CIB1: variants seen among roughly 807,000 people sequenced by gnomAD.
CIB1 encodes the protein calcium and integrin binding 1, also known as calcium and integrin-binding protein 1.
Under a neutral mutation model 25.0 loss-of-function variants are expected in CIB1, and 19 were observed. The ratio of observed to expected loss-of-function variants is 0.76; its 90% CI spans 0.53 to 1.12. CIB1 has a LOEUF of 1.12. Among genes scored for constraint, CIB1 ranks in the 50% most tolerant of loss-of-function variants. The probability of loss-of-function intolerance (pLI) is 0.00; values close to 1 mark genes in which losing one functional copy is unlikely to be tolerated. For synonymous variants in CIB1, 104 were observed against 98.5 expected, an observed-to-expected ratio of 1.06 and a Z score of -0.33; for missense variants, 236 against 242.6, an observed-to-expected ratio of 0.97 and a Z score of 0.18.
At chr15:90,233,068 C>T (rs1180099750) in intron 2 of CIB1, among the ~76,000 whole-genome samples, 2 of 151,798 alleles carry the variant, frequency 1.3e-5, no homozygotes, top group Admixed American at 1.3e-4. Flanking sequence ...TTCCCATGAG[C>T]TTATCTTTGC....
At chr15:90,265,736 G>A in the CIB1 span, 25 of 1,613,210 alleles carry the variant, frequency 1.5e-5, no homozygotes, top group Non-Finnish European at 1.9e-5. Context: ...TGAGTCTCTT[G>A]CTGGGCGGGC....
chr15:90,245,038 T>C, the CIB1 span: 3 of 152,256 alleles, frequency 2.0e-5, no homozygotes, highest in Non-Finnish European at 4.4e-5. Context: ...AGCCCTGGCT[T>C]AGGCCTTCAG....
At chr15:90,253,272 G>C in the CIB1 span, 25 of 1,613,738 alleles carry the variant, frequency 1.5e-5, no homozygotes, top group Middle Eastern at 3.3e-4. Flanking sequence ...CCAAATGTGT[G>C]GCCTGAAGGA....
At chr15:90,242,271 TTTTTTTTA>T in the CIB1 span, 1 of 327,734 alleles carries the variant, frequency 3.1e-6, no homozygotes, top group African/African-American at 2.2e-5. Context: ...TTTTTTTTTT[TTTTTTTTA>T]ACGATTAGGT....
upstream of CIB1, among the ~76,000 whole-genome samples, chr15:90,234,802 T>C (rs1962597635): frequency 6.6e-6 from 1 of 152,176 alleles, no homozygotes; most frequent in South Asian, 2.1e-4. Flanking sequence ...TTGTCCCCTC[T>C]TAACCTCTAG....
chr15:90,250,027 G>A, the CIB1 span, among the ~76,000 whole-genome samples: 21 of 151,034 alleles, frequency 1.4e-4, no homozygotes, highest in Admixed American at 7.3e-4. Flanking sequence ...GTGTGATCTC[G>A]GCTCACTGCA....
the CIB1 span, chr15:90,257,206 C>T: frequency 6.2e-7 from 1 of 1,614,012 alleles, no homozygotes; most frequent in Non-Finnish European, 8.5e-7. Context: ...GTGACCCTCT[C>T]CGGATCTTCA....
chr15:90,257,486 C>G, the CIB1 span: 9 of 962,664 alleles, frequency 9.3e-6, no homozygotes, highest in East Asian at 2.6e-5. Context: ...ACACACTCTT[C>G]CCCAGGATCA....
the CIB1 span, chr15:90,265,395 A>G: frequency 8.0e-7 from 1 of 1,252,618 alleles, no homozygotes; most frequent in Non-Finnish European, 1.0e-6. Flanking sequence ...TGGCGGAGAC[A>G]GGCAGGCCTG....
the CIB1 span, among the ~76,000 whole-genome samples, chr15:90,259,491 T>C: frequency 6.6e-6 from 1 of 152,208 alleles, no homozygotes; most frequent in African/African-American, 2.4e-5. Context: ...AGTTTTCCTC[T>C]CTGGAGCCAA....
At chr15:90,260,439 G>A in the CIB1 span, among the ~76,000 whole-genome samples, 1 of 152,208 alleles carries the variant, frequency 6.6e-6, no homozygotes, top group African/African-American at 2.4e-5. Context: ...TGAGGTTATA[G>A]CGAACTGAGA....
chr15:90,258,859 G>A, the CIB1 span: 1 of 1,614,092 alleles, frequency 6.2e-7, no homozygotes, highest in Non-Finnish European at 8.5e-7. Flanking sequence ...AAAGGAAGGT[G>A]ATGGAGGAGG....
the CIB1 span, among the ~76,000 whole-genome samples, chr15:90,247,455 G>GT: frequency 1.3e-5 from 2 of 151,196 alleles, no homozygotes; most frequent in Non-Finnish European, 2.9e-5. Flanking sequence ...TCATATGAGA[G>GT]TATCATATGC....
At chr15:90,249,141 GTC>G in the CIB1 span, among the ~76,000 whole-genome samples, 2 of 149,198 alleles carry the variant, frequency 1.3e-5, no homozygotes, top group African/African-American at 5.0e-5. Context: ...AGCCCAGGAG[GTC>G]CAGGCTGCAG....
chr15:90,256,543 CTT>C, the CIB1 span, among the ~76,000 whole-genome samples: 2 of 141,096 alleles, frequency 1.4e-5, no homozygotes, highest in African/African-American at 5.2e-5. Flanking sequence ...TGTCTCCTTC[CTT>C]TTTCTTTCTT....
chr15:90,263,181 G>C, the CIB1 span: 1 of 1,485,712 alleles, frequency 6.7e-7, no homozygotes, highest in East Asian at 2.5e-5. Flanking sequence ...GAGGAAAAGG[G>C]AACAAGGGCT....
chr15:90,231,199 C>A lies in CIB1; in HGVS notation c.361G>T (p.Gly121Ter). The change falls in exon 5 of 7, where the codon GGA (glycine) becomes TGA (stop). Residue 121 changes from glycine to a stop codon, truncating the protein, a stop_gained. Coordinates refer to ENST00000328649, the MANE Select transcript of CIB1 (RefSeq NM_006384.4). LOFTEE classifies it high-confidence loss of function. ...AFRIFDFDDD[G>*]TLNREDLSRL... ...CTCAGGTCTTCTCTGTTCAAGGTTCCGTCATCATCAAAGTCTAGAGAGCAG... is the reference window on the plus strand; with the variant it reads ...CTCAGGTCTTCTCTGTTCAAGGTTCAGTCATCATCAAAGTCTAGAGAGCAG... 1 of 1,600,816 alleles carries A rather than the reference C, an allele frequency of 6.2e-7. No homozygotes were observed. The highest frequency in any genetic ancestry group is 1.1e-5 in the South Asian group (1 of 90,138).
At chr15:90,262,914 G>T in the CIB1 span, 1 of 1,511,680 alleles carries the variant, frequency 6.6e-7, no homozygotes, top group Non-Finnish European at 8.8e-7. Flanking sequence ...CTGGGTGATG[G>T]TTTGGGACTT....
At chr15:90,251,824 G>GAA in the CIB1 span, among the ~76,000 whole-genome samples, 4,112 of 130,582 alleles carry the variant, frequency 0.031, 464 homozygotes, top group East Asian at 0.38. Context: ...CAGTAAACAA[G>GAA]AAAAAAAAAA....
Sources: allele counts gnomAD v4.1 joint callset (sites outside exome capture counted in the v4.1 genomes callset), GRCh38; gene constraint gnomAD v4.1.1; transcripts MANE v1.5; gene names NCBI Gene and HGNC (gene_info 2026-07-23, HGNC 2026-07-21).